ZNF695: variants seen among roughly 807,000 people sequenced by gnomAD.
The protein encoded by ZNF695 is zinc finger protein SBZF3.
In ZNF695, 11 loss-of-function variants were observed where a neutral mutation model predicts 11.2. The ratio of observed to expected loss-of-function variants is 0.98; its 90% CI spans 0.62 to 1.62. ZNF695 has a LOEUF of 1.62. Among genes scored for constraint, ZNF695 ranks in the 40% most tolerant of loss-of-function variants. The pLI, the probability that ZNF695 is intolerant of heterozygous loss-of-function variation, is 0.00. For synonymous variants in ZNF695, 190 were observed against 201.4 expected (o/e 0.94, Z 0.48); for missense variants, 559 against 590.5 (o/e 0.95, Z 0.55).
At chr1:246,997,086 T>C (rs1196719043) in intron 3 of ZNF695, among the ~76,000 whole-genome samples, 6 of 151,162 alleles carry the variant, frequency 4.0e-5, no homozygotes, top group African/African-American at 1.2e-4. Flanking sequence ...AAACTGTTCA[T>C]GTGTGGTGGC....
At chr1:246,983,688 C>T (rs930243968), downstream of ZNF695, among the ~76,000 whole-genome samples, 2 of 151,856 alleles carry the variant, frequency 1.3e-5, no homozygotes, top group Non-Finnish European at 2.9e-5. Flanking sequence ...CATGGTGGTG[C>T]GTGCCTGTAA....
downstream of ZNF695, among the ~76,000 whole-genome samples, chr1:246,980,420 T>C (rs1451326047): frequency 6.8e-6 from 1 of 147,302 alleles, no homozygotes; most frequent in Non-Finnish European, 1.5e-5. Context: ...CCTGCCACTT[T>C]TTTTTTTTTT....
chr1:246,991,696 T>C (rs1669038030), intron 3 of ZNF695, among the ~76,000 whole-genome samples: 2 of 152,146 alleles, frequency 1.3e-5, no homozygotes, highest in South Asian at 2.1e-4. Context: ...ACCACCACTA[T>C]GAAGAACAGT....
rs557543466 is a variant in ZNF695 at position 246,993,100 on chromosome 1, T to A, written c.260-4845A>T. On this transcript the variant is annotated intron_variant, in intron 3 of 3. Coordinates refer to ENST00000339986, the MANE Select transcript of ZNF695 (RefSeq NM_020394.5). ...GATTACAGCCTCTTAAGAGGAAACA[T>A]GTGAAAACCTCTGTAATTAAGAAAA... Among the ~76,000 whole-genome samples the A allele has an allele frequency of 2.0e-5, 3 of 152,214 alleles. No homozygotes were observed. In the East Asian group the frequency reaches 5.8e-4, roughly 29 times the overall value.
At chr1:246,991,168 A>C (rs941849339) in intron 3 of ZNF695, among the ~76,000 whole-genome samples, 2 of 152,192 alleles carry the variant, frequency 1.3e-5, no homozygotes, top group Non-Finnish European at 2.9e-5. Flanking sequence ...ACAAAAAATT[A>C]GTTTTTTGAA....
intron 5 of ZNF695, among the ~76,000 whole-genome samples, chr1:246,963,335 T>C (rs950962210): frequency 6.6e-6 from 1 of 152,106 alleles, no homozygotes; most frequent in African/African-American, 2.4e-5. Flanking sequence ...CCTGTAATCC[T>C]AGTACTTTGG....
Position 246,977,000 on chromosome 1 carries a change from TACA to T in ZNF695, c.391-9211_391-9209del, listed in dbSNP as rs536818422. 2.4e-3 allele frequency among the ~76,000 whole-genome samples: 361 copies of T among 152,308 alleles called. 2 individuals are homozygous for T. Among genetic ancestry groups the T allele is most frequent in the Non-Finnish European group, 3.7e-3 (250 of 68,024 alleles). ...TTTGGGCAGGGACACATATCCAAAC[TACA>T]ACAATACTTACAAAGTCAACCTCAG... On this transcript the variant is annotated intron_variant, in intron 4 of 5. Coordinates refer to the ZNF695 transcript ENST00000487338.
intron 5 of ZNF695, chr1:246,967,272 AAGCCACT>A: frequency 6.9e-6 from 3 of 433,186 alleles, no homozygotes; most frequent in South Asian, 4.8e-5. Flanking sequence ...ATATATTAAA[AAGCCACT>A]GGATTGAGAA....
intron 5 of ZNF695, among the ~76,000 whole-genome samples, chr1:246,954,292 C>G (rs1162620423): frequency 6.6e-6 from 1 of 152,216 alleles, no homozygotes; most frequent in Non-Finnish European, 1.5e-5. Context: ...ACACACTCCC[C>G]AAACATGTTG....
downstream of ZNF695, among the ~76,000 whole-genome samples, chr1:246,984,886 T>A (rs1180825096): frequency 6.6e-6 from 1 of 152,206 alleles, no homozygotes; most frequent in Non-Finnish European, 1.5e-5. Context: ...CTTCATGAAT[T>A]TTGGAACAAG....
chr1:246,996,575 C>T (rs747976686), intron 3 of ZNF695, among the ~76,000 whole-genome samples: 1 of 152,124 alleles, frequency 6.6e-6, no homozygotes, highest in Non-Finnish European at 1.5e-5. Flanking sequence ...TATTACTCAG[C>T]TTAAAAAGCA....
In ZNF695 at chr1:246,987,733, T is replaced by C. The variant is rs2642993; in HGVS notation, c.782A>G (p.Asn261Ser). ...SCSSLAVVEK[N>S]HTEKKTYRCE... Reference sequence around the variant, plus strand: ...TCTGTAGGTTTTCTTTTCAGTATGATTTTTCTCAACAACAGCAAGACTTGA... The same window carrying C: ...TCTGTAGGTTTTCTTTTCAGTATGACTTTTCTCAACAACAGCAAGACTTGA... Residue 261 changes from asparagine (N) to serine (S), a missense_variant, in exon 4 of 4, where the codon AAT becomes AGT. Transcript: ENST00000339986. 3.1e-6 allele frequency: 5 copies of C among 1,591,494 alleles called. No individual in the cohort carries two copies. The East Asian group carries it at 1.1e-4, about 36-fold the overall frequency.
intron 5 of ZNF695, among the ~76,000 whole-genome samples, chr1:246,951,099 G>A (rs1039195590): frequency 6.6e-6 from 1 of 151,924 alleles, no homozygotes. Context: ...TTGTCATATA[G>A]TTGGTCTGAA....
At chr1:246,967,441 T>C (rs764094072) in intron 5 of ZNF695, 3 of 456,232 alleles carry the variant, frequency 6.6e-6, no homozygotes, top group Middle Eastern at 3.2e-4. Context: ...AAAGGTCAGA[T>C]AGGATCTCCT....
At position 246,986,515 on chromosome 1, in the gene ZNF695, T is replaced by A. The variant is rs1572524633; in HGVS notation, c.*452A>T. The A allele has an allele frequency of 4.0e-6, 4 of 988,478 alleles. No individual in the cohort carries two copies. The highest frequency in any genetic ancestry group is 1.1e-4 in the East Asian group (1 of 8,858). The allele number at this position is 988,478 out of a possible 1,614,324, so 61.2% of individuals were successfully genotyped here. A position where few individuals can be genotyped will look rare whatever the true frequency, so the allele number is the denominator to read the frequency against. ...GTCAGTGACTTAGTGCTTTTTACTA[T>A]GAATTCTTGGATGTGTTTTGATGTA... On this transcript the variant is annotated 3_prime_UTR_variant, in exon 4 of 4. Transcript: ENST00000339986.
chr1:246,989,560 A>AAAG (rs74163716), intron 3 of ZNF695, among the ~76,000 whole-genome samples: 129,247 of 151,892 alleles, frequency 0.85, 55,316 homozygotes, highest in East Asian at 0.99. Flanking sequence ...GACAGGAAAG[A>AAAG]AAGAAGACCA....
At chr1:246,998,734 G>A (rs771580178) in intron 3 of ZNF695, among the ~76,000 whole-genome samples, 4 of 152,196 alleles carry the variant, frequency 2.6e-5, no homozygotes, top group South Asian at 2.1e-4. Flanking sequence ...TTGGGAGGCC[G>A]AGGCAGGTGG....
intron 5 of ZNF695, among the ~76,000 whole-genome samples, chr1:246,966,471 A>G (rs1668294096): frequency 6.6e-6 from 1 of 151,558 alleles, no homozygotes; most frequent in African/African-American, 2.4e-5. Context: ...ACAGAGCAAG[A>G]CTCCATCCCC....
chr1:246,961,503 TAA>T lies in ZNF695; in HGVS notation c.488+6190_488+6191del, dbSNP rs969575334. On this transcript the variant is annotated intron_variant, in intron 5 of 5. Transcript: ENST00000487338. ...CATTGTTCTATAAGCTGCTTGAGTT[TAA>T]GAGTGTTGCTTTCACAGCTCTCTTC... is the stretch of plus-strand genomic sequence containing the variant. Among the ~76,000 whole-genome samples the T allele has an allele frequency of 1.5e-4, 23 of 152,346 alleles. 2 individuals carry two copies. Among genetic ancestry groups the T allele is most frequent in the East Asian group, 9.6e-4 (5 of 5,184 alleles).
Sources: gnomAD v4.1 joint callset for allele counts (sites outside exome capture counted in the v4.1 genomes callset) on GRCh38, gnomAD v4.1.1 for gene constraint, MANE v1.5 for transcripts, NCBI Gene and HGNC (gene_info 2026-07-23, HGNC 2026-07-21) for gene names.